CADM2: variants seen among roughly 807,000 people sequenced by gnomAD.
The protein encoded by CADM2 is cell adhesion molecule 2, also known as immunoglobulin superfamily member 4D.
A neutral mutation model predicts 49.8 loss-of-function variants in CADM2; 12 were observed. That is an observed-to-expected ratio of 0.24 (90% CI 0.15 to 0.39). The LOEUF (loss-of-function observed/expected upper bound fraction) is 0.39, where lower values mean the gene tolerates loss of function less well. CADM2 is among the 10% of genes least tolerant of loss of function. The pLI is 1.00. For synonymous variants in CADM2, 214 were observed against 175.4 expected (o/e 1.22, Z -1.74); for missense variants, 378 against 492.3 (o/e 0.77, Z 2.20).
Position 85,456,569 on chromosome 3 carries a change from A to G in CADM2, c.62-269953A>G, listed in dbSNP as rs185763404. ...ACTATCTCAAATTTTTATATAGCAT[A>G]CTTTTTCAAAAGTTTAACATATCAT... On this transcript the variant is annotated intron_variant, in intron 1 of 9. Transcript: ENST00000383699. Among the ~76,000 whole-genome samples, 6 of 152,296 alleles carry G rather than the reference A, an allele frequency of 3.9e-5. No individual in the cohort carries two copies. In the East Asian group the frequency reaches 1.2e-3, roughly 29 times the overall value.
chr3:85,120,064 C>T (rs188943008), intron 1 of CADM2, among the ~76,000 whole-genome samples: 31 of 152,210 alleles, frequency 2.0e-4, no homozygotes, highest in Admixed American at 5.9e-4. Flanking sequence ...GATGTATATG[C>T]GACCAACAAA....
At chr3:85,826,759 T>C (rs1311615417) in intron 3 of CADM2, among the ~76,000 whole-genome samples, 1 of 152,012 alleles carries the variant, frequency 6.6e-6, no homozygotes, top group Non-Finnish European at 1.5e-5. Flanking sequence ...TCCCTTTTCC[T>C]AATGAAAAAG....
chr3:85,667,609 C>G (rs953903707), intron 1 of CADM2, among the ~76,000 whole-genome samples: 4 of 151,944 alleles, frequency 2.6e-5, no homozygotes, highest in Non-Finnish European at 5.9e-5. Flanking sequence ...GGATTTCAGC[C>G]AAATCCAGAT....
intron 6 of CADM2, among the ~76,000 whole-genome samples, chr3:85,913,754 T>A (rs921591755): frequency 3.9e-5 from 6 of 152,202 alleles, no homozygotes; most frequent in Admixed American, 2.6e-4. Flanking sequence ...TGTTACATAT[T>A]GATAAGTACT....
chr3:85,161,664 G>A (rs569345471), intron 1 of CADM2, among the ~76,000 whole-genome samples: 10 of 152,300 alleles, frequency 6.6e-5, no homozygotes, highest in African/African-American at 2.4e-4. Flanking sequence ...TGAATCATAT[G>A]TTGACATAGA....
chr3:85,276,835 G>T (rs527358394), intron 1 of CADM2, among the ~76,000 whole-genome samples: 1 of 151,412 alleles, frequency 6.6e-6, no homozygotes, highest in South Asian at 2.1e-4. Context: ...CAGTTGGACT[G>T]AAATGTTGAG....
At chr3:86,056,603 G>A (rs1318021624) in intron 8 of CADM2, among the ~76,000 whole-genome samples, 2 of 152,190 alleles carry the variant, frequency 1.3e-5, no homozygotes, top group Admixed American at 1.3e-4. Context: ...TCCCAGGAGG[G>A]AAGCTGCAGT....
intron 1 of CADM2, among the ~76,000 whole-genome samples, chr3:85,251,687 C>T (rs1179574119): frequency 2.0e-5 from 3 of 151,872 alleles, no homozygotes; most frequent in Admixed American, 6.6e-5. Context: ...CAGTTGCTGA[C>T]CAGTATCTTT....
rs185500221 is a variant in CADM2, at chr3:85,142,647, G to A, written c.61+182979G>A. Among the ~76,000 whole-genome samples the A allele has an allele frequency of 7.7e-4, 118 of 152,322 alleles. No homozygotes were observed. In the East Asian group the frequency reaches 0.01, roughly 13 times the overall value. ...CTAATTATTCCCAATGAGTTAAAGT[G>A]AGGATAAATTGCAACAAATTTAGGT... On this transcript the variant is annotated intron_variant, in intron 1 of 9. Coordinates refer to ENST00000383699, the MANE Select transcript of CADM2 (RefSeq NM_001167675.2).
chr3:85,552,671 C>T (rs369659377), intron 1 of CADM2, among the ~76,000 whole-genome samples: 3 of 147,778 alleles, frequency 2.0e-5, no homozygotes, highest in East Asian at 4.1e-4. Flanking sequence ...TGAGCCAATG[C>T]GCCCGGCCCT....
At position 86,047,731 on chromosome 3, in the gene CADM2, T is replaced by A. The variant is rs550572983; in HGVS notation, c.971-17874T>A. On this transcript the variant is annotated intron_variant, in intron 8 of 9. Transcript: ENST00000383699. ...TGTGTGAGTAAAGTAGAATATAAAG[T>A]TTATGGCCACTATCTCACAAAGTAA... 2.1e-4 allele frequency among the ~76,000 whole-genome samples: 32 copies of A among 152,232 alleles called. No individual in the cohort carries two copies. In the South Asian group the frequency reaches 6.4e-3, roughly 31 times the overall value.
At chr3:85,725,616 A>C (rs2067667884) in intron 1 of CADM2, among the ~76,000 whole-genome samples, 1 of 151,980 alleles carries the variant, frequency 6.6e-6, no homozygotes, top group Admixed American at 6.6e-5. Context: ...TTTTCCTTTG[A>C]GTAAGGGACT....
intron 8 of CADM2, among the ~76,000 whole-genome samples, chr3:86,029,659 A>G (rs1734325351): frequency 6.6e-6 from 1 of 151,984 alleles, no homozygotes; most frequent in Admixed American, 6.6e-5. Flanking sequence ...TGACTTACTC[A>G]CCATCCCTCA....
intron 1 of CADM2, among the ~76,000 whole-genome samples, chr3:85,175,861 T>G (rs539351843): frequency 6.6e-6 from 1 of 150,606 alleles, no homozygotes; most frequent in East Asian, 2.0e-4. Context: ...AAAATGTGCG[T>G]CACATCCAGC....
intron 1 of CADM2, among the ~76,000 whole-genome samples, chr3:85,334,292 G>A (rs2045017206): frequency 1.3e-5 from 2 of 151,422 alleles, no homozygotes; most frequent in Non-Finnish European, 3.0e-5. Flanking sequence ...TCAACAAAAA[G>A]CAGCCTCACA....
At chr3:85,017,065 G>A (rs563066989) in intron 1 of CADM2, among the ~76,000 whole-genome samples, 52 of 152,244 alleles carry the variant, frequency 3.4e-4, no homozygotes, top group Middle Eastern at 3.4e-3. Flanking sequence ...AAACATTGAA[G>A]GAACAGGTAA....
intron 1 of CADM2, among the ~76,000 whole-genome samples, chr3:84,983,842 G>A (rs1263268688): frequency 6.6e-6 from 1 of 151,710 alleles, no homozygotes; most frequent in African/African-American, 2.4e-5. Context: ...ACACAAGTGG[G>A]GCTTTAAATA....
chr3:85,712,938 G>A (rs2067159513), intron 1 of CADM2, among the ~76,000 whole-genome samples: 1 of 152,124 alleles, frequency 6.6e-6, no homozygotes, highest in Non-Finnish European at 1.5e-5. Flanking sequence ...TTGAAATAGA[G>A]TTGTGAGATG....
chr3:85,302,358 T>C (rs545741195), intron 1 of CADM2, among the ~76,000 whole-genome samples: 23 of 152,194 alleles, frequency 1.5e-4, no homozygotes, highest in Non-Finnish European at 2.5e-4. Context: ...TTGTAACTTT[T>C]GGACAATGCA....
Sources: allele counts gnomAD v4.1 joint callset (sites outside exome capture counted in the v4.1 genomes callset), GRCh38; gene constraint gnomAD v4.1.1; transcripts MANE v1.5; gene names NCBI Gene and HGNC (gene_info 2026-07-23, HGNC 2026-07-21).